Variants in PRKAG2 observed in about 807,000 individuals in gnomAD.
PRKAG2 encodes the protein protein kinase AMP-activated non-catalytic subunit gamma 2.
A neutral mutation model predicts 69.6 loss-of-function variants in PRKAG2; 26 were observed. That is an observed-to-expected ratio of 0.37 (90% CI 0.27 to 0.52). PRKAG2 has a LOEUF of 0.52. Ranked by LOEUF, PRKAG2 falls within the 20% of genes least tolerant of loss-of-function variation. The pLI is 0.90. For synonymous variants in PRKAG2, 293 were observed against 285.0 expected (o/e 1.03, Z -0.28); for missense variants, 557 against 740.0 (o/e 0.75, Z 2.87).
At chr7:151,672,083 C>T (rs913475486) in intron 4 of PRKAG2, among the ~76,000 whole-genome samples, 1 of 150,744 alleles carries the variant, frequency 6.6e-6, no homozygotes, top group African/African-American at 2.4e-5. Context: ...CAGGCGTGAG[C>T]CACCTCTCCC....
Position 151,588,625 on chromosome 7 carries a change from G to T in PRKAG2, c.864+6720C>A, listed in dbSNP as rs187793535. On this transcript the variant is annotated intron_variant, in intron 6 of 15. Coordinates refer to ENST00000287878, the MANE Select transcript of PRKAG2 (RefSeq NM_016203.4). ...TCCACCTGCCTCGGCCTCCCAAAGTGCTGGGATTACAGGCGTGAGACACCG... is the reference window on the plus strand; with the variant it reads ...TCCACCTGCCTCGGCCTCCCAAAGTTCTGGGATTACAGGCGTGAGACACCG... 2.5e-3 allele frequency among the ~76,000 whole-genome samples: 379 copies of T among 152,184 alleles called. 3 individuals are homozygous for T. Among genetic ancestry groups the T allele is most frequent in the African/African-American group, 8.7e-3 (360 of 41,524 alleles).
At chr7:151,811,791 C>T (rs747462504) in intron 1 of PRKAG2, among the ~76,000 whole-genome samples, 1 of 152,228 alleles carries the variant, frequency 6.6e-6, no homozygotes, top group African/African-American at 2.4e-5. Context: ...CCTGCTACGT[C>T]ACCAGCCCCC....
At chr7:151,591,662 A>G (rs1813172883) in intron 6 of PRKAG2, among the ~76,000 whole-genome samples, 2 of 152,116 alleles carry the variant, frequency 1.3e-5, no homozygotes, top group South Asian at 4.1e-4. Flanking sequence ...ACTGAGTGAC[A>G]CTAAAAGCTG....
rs968797571 is a variant in PRKAG2 at position 151,866,138 on chromosome 7, C to T, written c.114+10369G>A. Among the ~76,000 whole-genome samples the T allele has an allele frequency of 6.6e-5, 10 of 152,172 alleles. No individual in the cohort carries two copies. The East Asian group carries it at 9.7e-4, about 15-fold the overall frequency. On this transcript the variant is annotated intron_variant, in intron 1 of 15. Coordinates refer to ENST00000287878, the MANE Select transcript of PRKAG2 (RefSeq NM_016203.4). ...TCATCTAGAAAGGGGCCAAGTGAAG[C>T]GTATGGAGACCTGACACACACAGGG...
chr7:151,750,725 T>C (rs2074611897), intron 3 of PRKAG2, among the ~76,000 whole-genome samples: 1 of 152,108 alleles, frequency 6.6e-6, no homozygotes, highest in Middle Eastern at 3.4e-3. Context: ...ACTTTAACAC[T>C]GTTAAGGTGG....
At chr7:151,752,531 T>C (rs1367564520) in intron 3 of PRKAG2, among the ~76,000 whole-genome samples, 2 of 152,130 alleles carry the variant, frequency 1.3e-5, no homozygotes, top group Admixed American at 1.3e-4. Flanking sequence ...TCTTTATCTA[T>C]GTAACAAACA....
rs1480711306 is a variant in PRKAG2 at position 151,814,417 on chromosome 7, C to T, written c.115-27876G>A. The T allele has an allele frequency of 1.8e-5, 22 of 1,227,450 alleles. No homozygotes were observed. Among genetic ancestry groups the T allele is most frequent in the Non-Finnish European group, 2.2e-5 (22 of 985,948 alleles). The allele number at this position is 1,227,450 out of a possible 1,614,324, so 76.0% of individuals were successfully genotyped here. The stretch of plus-strand genomic sequence containing the variant: ...GCCAGCTCCCGCAGGTCTGCTTACT[C>T]AGCCCCAAGGGGTCCTGGAGGTCTT... On this transcript the variant is annotated intron_variant, in intron 1 of 15. Transcript: ENST00000287878. This position sits in a 1 kb window ranked among gnomAD's most constrained non-coding sequence, Gnocchi z 4.8.
rs73728221 is a variant in PRKAG2, at chr7:151,652,141, C to T, written c.685-20003G>A. ...CATATCACAGCATCACAGTGTACCC[C>T]ATAATTATATACGATTTTTATTTAG... On this transcript the variant is annotated intron_variant, in intron 4 of 15. Transcript: ENST00000287878. Among the ~76,000 whole-genome samples, 1,290 of 152,236 alleles carry T rather than the reference C, an allele frequency of 8.5e-3. 22 individuals carry two copies. The highest frequency in any genetic ancestry group is 0.029 in the African/African-American group (1,222 of 41,530).
chr7:151,741,146 C>T (rs2073857972), intron 3 of PRKAG2, among the ~76,000 whole-genome samples: 1 of 150,326 alleles, frequency 6.7e-6, no homozygotes, highest in Admixed American at 6.6e-5. Context: ...CCGGGAGGTC[C>T]AGGCTCTAGT....
intron 3 of PRKAG2, among the ~76,000 whole-genome samples, chr7:151,774,242 C>T (rs2076224808): frequency 1.3e-5 from 2 of 152,084 alleles, no homozygotes; most frequent in South Asian, 4.1e-4. Context: ...ACTACGGCAA[C>T]TCCATACAGG....
At chr7:151,804,731 C>T (rs79172828) in intron 1 of PRKAG2, among the ~76,000 whole-genome samples, 1,954 of 152,192 alleles carry the variant, frequency 0.013, 56 homozygotes, top group Admixed American at 0.055. Flanking sequence ...TTCTTTATTC[C>T]GTGGTGTTCC....
At chr7:151,726,387 CA>C (rs1797961379) in intron 3 of PRKAG2, among the ~76,000 whole-genome samples, 1 of 143,546 alleles carries the variant, frequency 7.0e-6, no homozygotes, top group African/African-American at 2.5e-5. Context: ...CACACACACA[CA>C]CACACACACA....
At chr7:151,644,057 A>C (rs1188176952) in intron 4 of PRKAG2, among the ~76,000 whole-genome samples, 1 of 152,198 alleles carries the variant, frequency 6.6e-6, no homozygotes, top group East Asian at 1.9e-4. Flanking sequence ...TAAGAATGAT[A>C]CAATAGACTG....
In PRKAG2 at chr7:151,556,288, G is replaced by A. The variant is rs181887214; in HGVS notation, c.*913C>T. ...TCAACTGTATGACAATACTGTATAT[G>A]CCACAATAAAATTTACAAAAACAAT... On this transcript the variant is annotated 3_prime_UTR_variant, in exon 16 of 16. Transcript: ENST00000287878. The A allele has an allele frequency of 6.6e-6, 1 of 152,412 alleles. No homozygotes were observed. The highest frequency in any genetic ancestry group is 1.9e-4 in the East Asian group (1 of 5,178). The allele number at this position is 152,412 out of a possible 1,614,324, so 9.4% of individuals were successfully genotyped here. A position where few individuals can be genotyped will look rare whatever the true frequency, so the allele number is the denominator to read the frequency against.
chr7:151,579,317 T>A (rs1346146274), intron 6 of PRKAG2, among the ~76,000 whole-genome samples: 1 of 152,208 alleles, frequency 6.6e-6, no homozygotes, highest in Non-Finnish European at 1.5e-5. Context: ...CCACTGCACC[T>A]GGCCAGGGGC....
intron 4 of PRKAG2, among the ~76,000 whole-genome samples, chr7:151,670,653 G>A (rs1831865095): frequency 6.6e-6 from 1 of 152,156 alleles, no homozygotes; most frequent in Non-Finnish European, 1.5e-5. Context: ...TTACCTGTCT[G>A]TTCTTCCCAA....
chr7:151,568,566 G>C lies in PRKAG2; in HGVS notation c.1233+150C>G, dbSNP rs547748289. The C allele has an allele frequency of 2.4e-5, 18 of 757,776 alleles. No individual in the cohort carries two copies. The Admixed American group carries it at 2.9e-4, about 12-fold the overall frequency. 46.9% of individuals were successfully genotyped at this position (757,776 alleles called of 1,614,324 possible). A position where few individuals can be genotyped will look rare whatever the true frequency, so the allele number is the denominator to read the frequency against. ...CAACTTTAAGAATGTACAATTCAGA[G>C]AGTAGTAAGTTGAGAAACTGAAGTT... On this transcript the variant is annotated intron_variant, in intron 11 of 15. Coordinates refer to ENST00000287878, the MANE Select transcript of PRKAG2 (RefSeq NM_016203.4).
chr7:151,816,084 C>G (rs78938416), intron 1 of PRKAG2, among the ~76,000 whole-genome samples: 1,783 of 152,244 alleles, frequency 0.012, 31 homozygotes, highest in African/African-American at 0.039. Context: ...TGGCCATCTA[C>G]TAAGGCCCAC....
intron 4 of PRKAG2, among the ~76,000 whole-genome samples, chr7:151,656,249 C>T (rs1046031057): frequency 6.6e-5 from 10 of 152,018 alleles, no homozygotes; most frequent in African/African-American, 1.9e-4. Context: ...CTACGTTTCA[C>T]GACAATAAGA....
Sources: gnomAD v4.1 joint callset for allele counts (sites outside exome capture counted in the v4.1 genomes callset) on GRCh38, gnomAD v4.1.1 for gene constraint, Gnocchi (gnomAD v3.1) non-coding constraint, MANE v1.5 for transcripts, NCBI Gene and HGNC (gene_info 2026-07-23, HGNC 2026-07-21) for gene names.